The following PTPRS variants were observed in gnomAD, a reference collection of about 807,000 sequenced individuals.
PTPRS encodes receptor-type tyrosine-protein phosphatase S.
PTPRS carries 63 observed loss-of-function variants against 215.3 expected under a neutral mutation model. That is an observed-to-expected ratio of 0.29 (90% CI 0.24 to 0.36). PTPRS has a LOEUF of 0.36. Ranked by LOEUF, PTPRS falls within the 10% of genes least tolerant of loss-of-function variation. The pLI, the probability that PTPRS is intolerant of heterozygous loss-of-function variation, is 1.00. For missense variants in PTPRS, 2,258 were observed against 2,825.8 expected (o/e 0.80, Z 4.56); for synonymous variants, 1,404 against 1,191.4 (o/e 1.18, Z -3.68).
chr19:5,239,427 G>A (rs557578118), intron 12 of PTPRS, among the ~76,000 whole-genome samples: 11 of 151,240 alleles, frequency 7.3e-5, no homozygotes, highest in Admixed American at 5.3e-4. Context: ...AGAAACAAAG[G>A]AGAGAGACAG....
intron 1 of PTPRS, among the ~76,000 whole-genome samples, chr19:5,310,176 T>C (rs1338849458): frequency 6.6e-6 from 1 of 152,034 alleles, no homozygotes; most frequent in African/African-American, 2.4e-5. Context: ...TGGAACACCC[T>C]CCCCTCAGAT....
Position 5,229,614 on chromosome 19 carries a change from G to A in PTPRS, c.2226C>T (p.Arg742=). ...LNATAIRVLW[R]SPAPGRQHGQ... is the part of the protein sequence containing the mutation. ...CGTGCTGCCGGCCGGGCGCGGGCGA[G>A]CGCCACAGCACGCGGATGGCCGTGG... Residue 742 remains arginine (R), a synonymous_variant, in exon 15 of 38, where the codon CGC becomes CGT. Transcript: ENST00000262963. 1.4e-6 allele frequency: 2 copies of A among 1,415,348 alleles called. No individual in the cohort carries two copies. The highest frequency in any genetic ancestry group is 1.8e-6 in the Non-Finnish European group (2 of 1,085,704). 87.7% of individuals were successfully genotyped at this position (1,415,348 alleles called of 1,614,324 possible). A position where few individuals can be genotyped will look rare whatever the true frequency, so the allele number is the denominator to read the frequency against.
rs1199373107 is a variant in PTPRS, at chr19:5,257,828, A to G, written c.706+189T>C. Among the ~76,000 whole-genome samples, 1 of 152,172 alleles carries G rather than the reference A, an allele frequency of 6.6e-6. No individual in the cohort carries two copies. Among genetic ancestry groups the G allele is most frequent in the African/African-American group, 2.4e-5 (1 of 41,442 alleles). ...GAGGAAGGGAATTTAAGCTGCCCCC[A>G]TTCTACAGGCAAGGAAACTAAGGCC... On this transcript the variant is annotated intron_variant, in intron 8 of 37. Coordinates refer to ENST00000262963, the MANE Select transcript of PTPRS (RefSeq NM_002850.4). This position sits in a 1 kb window ranked among gnomAD's most constrained non-coding sequence, Gnocchi z 4.4.
At chr19:5,219,208 C>A in intron 23 of PTPRS, 102 bp downstream of exon 23, 1 of 1,486,892 alleles carries the variant, frequency 6.7e-7, no homozygotes, top group Admixed American at 1.8e-5. Flanking sequence ...CCCATGTGTA[C>A]AACAGAGACC....
chr19:5,309,651 C>T (rs752198413), intron 1 of PTPRS, among the ~76,000 whole-genome samples: 14 of 152,300 alleles, frequency 9.2e-5, no homozygotes, highest in South Asian at 8.3e-4. Context: ...CTCAGCTCAT[C>T]TTCTCCGTCT....
At chr19:5,209,396 A>T (rs539331247) in intron 35 of PTPRS, among the ~76,000 whole-genome samples, 1 of 151,772 alleles carries the variant, frequency 6.6e-6, no homozygotes, top group Non-Finnish European at 1.5e-5. Flanking sequence ...ATTCCCCATC[A>T]TCTGCCTTGT....
At chr19:5,298,437 C>T in intron 1 of PTPRS, among the ~76,000 whole-genome samples, 1 of 152,206 alleles carries the variant, frequency 6.6e-6, no homozygotes, top group East Asian at 1.9e-4. Context: ...ATATTTGGCA[C>T]CAAAACCCCC....
chr19:5,223,515 C>CA (rs1402634782), intron 17 of PTPRS, among the ~76,000 whole-genome samples: 3 of 151,742 alleles, frequency 2.0e-5, no homozygotes, highest in African/African-American at 7.3e-5. Flanking sequence ...CTCGGCCTCC[C>CA]AAAGTGCTAG....
intron 1 of PTPRS, among the ~76,000 whole-genome samples, chr19:5,303,542 G>T (rs1038989505): frequency 2.0e-5 from 3 of 152,098 alleles, no homozygotes; most frequent in Admixed American, 6.6e-5. Flanking sequence ...ACGTGTAAAG[G>T]CCCCGAGGTG....
At chr19:5,311,554 C>T (rs533812657) in intron 1 of PTPRS, among the ~76,000 whole-genome samples, 2 of 152,232 alleles carry the variant, frequency 1.3e-5, no homozygotes, top group African/African-American at 4.8e-5. Context: ...AATTTTAGAC[C>T]TGAAACCATC....
chr19:5,306,718 T>C (rs2147125890), intron 1 of PTPRS, among the ~76,000 whole-genome samples: 1 of 152,284 alleles, frequency 6.6e-6, no homozygotes, highest in Middle Eastern at 3.4e-3. Flanking sequence ...TGTCTCTCAC[T>C]GGTGTCCAGT....
chr19:5,282,006 A>C (rs772057900), intron 2 of PTPRS, among the ~76,000 whole-genome samples: 3 of 151,974 alleles, frequency 2.0e-5, no homozygotes, highest in Non-Finnish European at 2.9e-5. Flanking sequence ...CCCGGTCAGG[A>C]GTCCCTTATG....
chr19:5,225,076 G>A (rs1047130093), intron 17 of PTPRS, among the ~76,000 whole-genome samples: 6 of 150,822 alleles, frequency 4.0e-5, no homozygotes, highest in South Asian at 2.1e-4. Context: ...ACATCTTCAC[G>A]GCAGCCTCTT....
At chr19:5,283,280 ACCCCAGCACTTTCG>A (rs1599934407) in intron 2 of PTPRS, among the ~76,000 whole-genome samples, 1 of 50,388 alleles carries the variant, frequency 2.0e-5, no homozygotes, top group South Asian at 6.9e-4. Context: ...TTCTCCTGTC[ACCCCAGCACTTTCG>A]CCTGTCACAC....
At chr19:5,213,079 T>A (rs2041075789) in intron 30 of PTPRS, among the ~76,000 whole-genome samples, 2 of 152,134 alleles carry the variant, frequency 1.3e-5, no homozygotes, top group Admixed American at 1.3e-4. Context: ...TCTTCCCCTC[T>A]CACATCCAAC....
chr19:5,254,683 A>G (rs1334462918), intron 9 of PTPRS, among the ~76,000 whole-genome samples: 2 of 152,190 alleles, frequency 1.3e-5, no homozygotes, highest in Non-Finnish European at 2.9e-5. Flanking sequence ...GAAAGTGACC[A>G]TGCTGTGTTG....
chr19:5,256,915 A>G (rs1599735982), intron 8 of PTPRS, among the ~76,000 whole-genome samples: 1 of 152,000 alleles, frequency 6.6e-6, no homozygotes, highest in African/African-American at 2.4e-5. Flanking sequence ...TGGATGGAGA[A>G]CAACTAGGGC....
At chr19:5,308,054 G>C (rs565700608) in intron 1 of PTPRS, among the ~76,000 whole-genome samples, 3 of 152,298 alleles carry the variant, frequency 2.0e-5, no homozygotes, top group Non-Finnish European at 2.9e-5. Context: ...GAAAGAGAGA[G>C]GGGAGAGGAT....
In PTPRS at chr19:5,257,378, G is replaced by C. The variant is rs1353154969; in HGVS notation, c.706+639C>G. On this transcript the variant is annotated intron_variant, in intron 8 of 37. Transcript: ENST00000262963. This position sits in a 1 kb window ranked among gnomAD's most constrained non-coding sequence, Gnocchi z 4.4. ...CTCGGTGCAACTACCGAGCCCCCCGGGTGCCTGTGCCCGCTGTGGCTCCAG... is the reference window on the plus strand; with the variant it reads ...CTCGGTGCAACTACCGAGCCCCCCGCGTGCCTGTGCCCGCTGTGGCTCCAG... 4.4e-6 allele frequency: 2 copies of C among 455,310 alleles called. No homozygotes were observed. Among genetic ancestry groups the C allele is most frequent in the Non-Finnish European group, 8.8e-6 (2 of 226,138 alleles). The allele number at this position is 455,310 out of a possible 1,614,324, so 28.2% of individuals were successfully genotyped here.
Sources: allele counts gnomAD v4.1 joint callset (sites outside exome capture counted in the v4.1 genomes callset), GRCh38; gene constraint gnomAD v4.1.1; non-coding constraint Gnocchi (gnomAD v3.1); transcripts MANE v1.5; gene names NCBI Gene and HGNC (gene_info 2026-07-23, HGNC 2026-07-21).